Variants in SLC7A5 observed in about 807,000 individuals in gnomAD.
SLC7A5 encodes large neutral amino acids transporter small subunit 1.
Under a neutral mutation model 50.2 loss-of-function variants are expected in SLC7A5, and 23 were observed. That is an observed-to-expected ratio of 0.46 (90% CI 0.33 to 0.65). The LOEUF (loss-of-function observed/expected upper bound fraction) is 0.65, where lower values mean the gene tolerates loss of function less well. SLC7A5 is among the 30% of genes least tolerant of loss of function. The pLI is 0.02. For synonymous variants in SLC7A5, 393 were observed against 330.6 expected, an observed-to-expected ratio of 1.19 and a Z score of -2.05; for missense variants, 578 against 684.4, an observed-to-expected ratio of 0.84 and a Z score of 1.73.
chr16:87,863,015 G>A (rs1030474117), intron 1 of SLC7A5, among the ~76,000 whole-genome samples: 1 of 152,212 alleles, frequency 6.6e-6, no homozygotes, highest in African/African-American at 2.4e-5. Flanking sequence ...CCTGCGTGAC[G>A]GCACGCCTGG....
At position 87,852,055 on chromosome 16, in the gene SLC7A5, G is replaced by C. The variant is rs934026072; in HGVS notation, c.539-206C>G. 2.6e-5 allele frequency among the ~76,000 whole-genome samples: 4 copies of C among 152,082 alleles called. No individual in the cohort carries two copies. The highest frequency in any genetic ancestry group is 7.2e-5 in the African/African-American group (3 of 41,406). On this transcript the variant is annotated intron_variant, in intron 1 of 9. Transcript: ENST00000261622. This position sits in a 1 kb window ranked among gnomAD's most constrained non-coding sequence, Gnocchi z 4.5. The stretch of plus-strand genomic sequence containing the variant: ...TTGATAAACTTCGCAGTCCTTTCAG[G>C]TCTAAGGGCTGGATCCCAGGTGCCC...
At chr16:87,855,597 G>A (rs4240803) in intron 1 of SLC7A5, among the ~76,000 whole-genome samples, 51,661 of 151,718 alleles carry the variant, frequency 0.34, 9,538 homozygotes, top group East Asian at 0.67. Flanking sequence ...TCACCTCTGC[G>A]GCAGCCGGCT....
At chr16:87,847,694 G>A (rs1489322425) in intron 2 of SLC7A5, among the ~76,000 whole-genome samples, 3 of 152,148 alleles carry the variant, frequency 2.0e-5, no homozygotes, top group Non-Finnish European at 4.4e-5. Context: ...AGCAGCGCAT[G>A]ACCCTGCACA....
At chr16:87,836,729 C>T in intron 7 of SLC7A5, 82 bp from the exon 8 acceptor site, 3 of 1,503,556 alleles carry the variant, frequency 2.0e-6, no homozygotes, top group Non-Finnish European at 2.7e-6. Flanking sequence ...GGGGACTGTC[C>T]AGCCTGGCTG....
Position 87,869,447 on chromosome 16 carries a change from G to T in SLC7A5, c.-25C>A. 1 of 1,387,314 alleles carries T rather than the reference G, an allele frequency of 7.2e-7. No individual in the cohort carries two copies. The highest frequency in any genetic ancestry group is 9.3e-7 in the Non-Finnish European group (1 of 1,080,828). The allele number at this position is 1,387,314 out of a possible 1,614,324, so 85.9% of individuals were successfully genotyped here. ...TGCTCTGCGCACCGGCCGGGCCTGG[G>T]ACACCCGGGAGCCGCGGCCCAGCGA... is the stretch of plus-strand genomic sequence containing the variant. On this transcript the variant is annotated 5_prime_UTR_variant, in exon 1 of 10. Transcript: ENST00000261622.
At chr16:87,840,192 T>C (rs1371881525) in intron 4 of SLC7A5, among the ~76,000 whole-genome samples, 1 of 152,230 alleles carries the variant, frequency 6.6e-6, no homozygotes, top group East Asian at 1.9e-4. Flanking sequence ...GCAGCTCCTC[T>C]GTACCGTCCC....
At chr16:87,859,048 T>C (rs1259971433) in intron 1 of SLC7A5, among the ~76,000 whole-genome samples, 1 of 152,226 alleles carries the variant, frequency 6.6e-6, no homozygotes, top group Non-Finnish European at 1.5e-5. Flanking sequence ...CCTCCTCACC[T>C]GCCCCCTCAC....
At chr16:87,850,205 G>C (rs2055202478) in intron 2 of SLC7A5, among the ~76,000 whole-genome samples, 2 of 152,322 alleles carry the variant, frequency 1.3e-5, no homozygotes, top group South Asian at 2.1e-4. Context: ...CTGGGTGCTG[G>C]GTGCTGCGGG....
chr16:87,867,319 C>A (rs1303509821), intron 1 of SLC7A5, among the ~76,000 whole-genome samples: 2 of 152,226 alleles, frequency 1.3e-5, no homozygotes, highest in Non-Finnish European at 2.9e-5. Context: ...GGGAGGGAGA[C>A]TGAACCAGTG....
rs2055397239 is a variant in SLC7A5 at position 87,861,470 on chromosome 16, C to T, written c.538+7415G>A. 6.6e-6 allele frequency among the ~76,000 whole-genome samples: 1 copy of T among 152,154 alleles called. No individual in the cohort carries two copies. The highest frequency in any genetic ancestry group is 2.4e-5 in the African/African-American group (1 of 41,424). ...GGTGGCCTCAGTGTAGAGGTGGGCACTGTGGCCCCTGGCTCCTGGCTCGCT... is the reference window on the plus strand; with the variant it reads ...GGTGGCCTCAGTGTAGAGGTGGGCATTGTGGCCCCTGGCTCCTGGCTCGCT... On this transcript the variant is annotated intron_variant, in intron 1 of 9. Transcript: ENST00000261622. The surrounding 1 kb of genome is among the most constrained non-coding windows in gnomAD (Gnocchi z 4.2).
rs2055079027 is a variant in SLC7A5 at position 87,841,172 on chromosome 16, A to C, written c.665-17T>G. ...ACACATCACCTGGCAGGGCCAAAGA[A>C]AGGAATGCTGGGTTAGAGAGCGCTG... is the stretch of plus-strand genomic sequence containing the variant. On this transcript the variant is annotated splice_polypyrimidine_tract_variant and intron_variant, in intron 2 of 9. Transcript: ENST00000261622. This position sits in a 1 kb window ranked among gnomAD's most constrained non-coding sequence, Gnocchi z 4.8. 1 of 1,548,794 alleles carries C rather than the reference A, an allele frequency of 6.5e-7. No homozygotes were observed. Among genetic ancestry groups the C allele is most frequent in the East Asian group, 2.2e-5 (1 of 44,544 alleles).
At chr16:87,849,551 GC>G (rs1567495077) in intron 2 of SLC7A5, among the ~76,000 whole-genome samples, 2 of 152,210 alleles carry the variant, frequency 1.3e-5, no homozygotes, top group East Asian at 3.8e-4. Context: ...TATCTGATGA[GC>G]GCAGCCAAGC....
intron 1 of SLC7A5, chr16:87,854,069 CCCGCCCCCCCCCCCA>C (rs1567497922): frequency 1.2e-5 from 1 of 83,000 alleles, no homozygotes; most frequent in Non-Finnish European, 2.2e-5. Context: ...CCAGGACCCC[CCCGCCCCCCCCCCCA>C]CCGCCAGCCT....
chr16:87,847,683 C>A lies in SLC7A5; in HGVS notation c.664+4041G>T, dbSNP rs557198487. ...GGGAACAGAGGTGTGGGCCTCCCCC[C>A]AGCAGCGCATGACCCTGCACACTGC... is the stretch of plus-strand genomic sequence containing the variant. On this transcript the variant is annotated intron_variant, in intron 2 of 9. Coordinates refer to ENST00000261622, the MANE Select transcript of SLC7A5 (RefSeq NM_003486.7). 2.3e-3 allele frequency among the ~76,000 whole-genome samples: 343 copies of A among 152,346 alleles called. 2 individuals are homozygous for A. The highest frequency in any genetic ancestry group is 6.8e-3 in the Middle Eastern group (2 of 294).
intron 7 of SLC7A5, 193 bp downstream of exon 7, chr16:87,837,652 T>C (rs2055024573): frequency 5.1e-6 from 3 of 583,038 alleles, no homozygotes; most frequent in East Asian, 5.7e-5. Context: ...GCAGCCACCA[T>C]ATATTATTTT....
intron 1 of SLC7A5, among the ~76,000 whole-genome samples, chr16:87,855,982 AGGCACAGCAGTGAGTCCTGCAG>A (rs2055313740): frequency 6.6e-6 from 1 of 152,132 alleles, no homozygotes; most frequent in Non-Finnish European, 1.5e-5. Flanking sequence ...CCCCCGAGCC[AGGCACAGCAGTGAGTCCTGCAG>A]GGCTCAGCAC....
rs2055415406 is a variant in SLC7A5 at position 87,862,797 on chromosome 16, C to G, written c.538+6088G>C. On this transcript the variant is annotated intron_variant, in intron 1 of 9. Transcript: ENST00000261622. This position sits in a 1 kb window ranked among gnomAD's most constrained non-coding sequence, Gnocchi z 5.3. The stretch of plus-strand genomic sequence containing the variant: ...CGGGGCCAGGTGGATTTCTCAAAGC[C>G]TTGGTTGCTTTTGGCCTGATGCTAG... 6.6e-6 allele frequency among the ~76,000 whole-genome samples: 1 copy of G among 152,238 alleles called. No homozygotes were observed. Among genetic ancestry groups the G allele is most frequent in the Non-Finnish European group, 1.5e-5 (1 of 68,050 alleles).
Position 87,831,858 on chromosome 16 carries a change from C to CGCAGGCGGCAGAG in SLC7A5, c.*1099_*1111dup, listed in dbSNP as rs1416832414. On this transcript the variant is annotated 3_prime_UTR_variant, in exon 10 of 10. Transcript: ENST00000261622. ...GGGTGAGAGCCCAGGGGCCTCCAAA[C>CGCAGGCGGCAGAG]GCAGGCGGCAGAGACGTGAGCAGTG... The CGCAGGCGGCAGAG allele has an allele frequency of 6.6e-6, 1 of 152,258 alleles. No homozygotes were observed. Among genetic ancestry groups the CGCAGGCGGCAGAG allele is most frequent in the Non-Finnish European group, 1.5e-5 (1 of 68,114 alleles). The allele number at this position is 152,258 out of a possible 1,614,324, so 9.4% of individuals were successfully genotyped here.
chr16:87,851,590 G>A, intron 2 of SLC7A5, 134 bp downstream of exon 2: 1 of 1,167,458 alleles, frequency 8.6e-7, no homozygotes. Context: ...TTTTCCCAGA[G>A]GGAAATCTCC....
Sources: gnomAD v4.1 joint callset for allele counts (sites outside exome capture counted in the v4.1 genomes callset) on GRCh38, gnomAD v4.1.1 for gene constraint, Gnocchi (gnomAD v3.1) non-coding constraint, MANE v1.5 for transcripts, NCBI Gene and HGNC (gene_info 2026-07-23, HGNC 2026-07-21) for gene names.